The following SLC24A2 variants were observed in gnomAD, a reference collection of about 807,000 sequenced individuals.
The protein encoded by SLC24A2 is solute carrier family 24 member 2, also known as sodium/potassium/calcium exchanger 2.
Under a neutral mutation model 62.0 loss-of-function variants are expected in SLC24A2, and 36 were observed. That is an observed-to-expected ratio of 0.58 (90% confidence interval 0.44 to 0.77). The LOEUF is 0.77. SLC24A2 is among the 30% of genes least tolerant of loss of function. The pLI is 0.00. For missense variants in SLC24A2, 846 were observed against 817.9 expected (o/e 1.03, Z -0.42); for synonymous variants, 358 against 294.0 (o/e 1.22, Z -2.23).
chr9:20,229,188 C>T, the SLC24A2 span, among the ~76,000 whole-genome samples: 2 of 152,158 alleles, frequency 1.3e-5, no homozygotes, highest in African/African-American at 4.8e-5. Flanking sequence ...CTCATTTCCT[C>T]CTGAGAAGCA....
chr9:20,019,161 G>GAGAGAC, the SLC24A2 span, among the ~76,000 whole-genome samples: 1 of 138,016 alleles, frequency 7.2e-6, no homozygotes, highest in Non-Finnish European at 1.6e-5. Context: ...AAGAAAGAGA[G>GAGAGAC]AGAGACAGAA....
chr9:20,304,167 A>G, the SLC24A2 span, among the ~76,000 whole-genome samples: 7 of 152,308 alleles, frequency 4.6e-5, no homozygotes, highest in African/African-American at 1.7e-4. Flanking sequence ...TGCCTCACAC[A>G]GGATTGCCTC....
At chr9:19,611,665 C>G (rs1478575344) in intron 4 of SLC24A2, among the ~76,000 whole-genome samples, 13 of 152,034 alleles carry the variant, frequency 8.6e-5, no homozygotes, top group South Asian at 6.2e-4. Context: ...GGGAAAGATT[C>G]AGGGCCACTG....
the SLC24A2 span, among the ~76,000 whole-genome samples, chr9:19,961,997 T>C: frequency 5.9e-5 from 9 of 152,230 alleles, no homozygotes; most frequent in African/African-American, 2.2e-4. Flanking sequence ...TATGTTGTTT[T>C]AAGCTGCTAT....
the SLC24A2 span, among the ~76,000 whole-genome samples, chr9:20,173,832 G>C: frequency 6.6e-6 from 1 of 151,776 alleles, no homozygotes; most frequent in Non-Finnish European, 1.5e-5. Context: ...ATTCTTCACA[G>C]AACTAGAGAA....
the SLC24A2 span, among the ~76,000 whole-genome samples, chr9:20,080,491 G>C: frequency 6.6e-6 from 1 of 152,076 alleles, no homozygotes; most frequent in African/African-American, 2.4e-5. Flanking sequence ...ATGGATTAAA[G>C]ACTTACATGT....
the SLC24A2 span, among the ~76,000 whole-genome samples, chr9:20,142,705 C>T: frequency 6.6e-6 from 1 of 152,204 alleles, no homozygotes; most frequent in Non-Finnish European, 1.5e-5. Flanking sequence ...AAGAGATTCT[C>T]CTGCCTCAGC....
the SLC24A2 span, among the ~76,000 whole-genome samples, chr9:20,108,697 G>T: frequency 6.8e-6 from 1 of 147,122 alleles, no homozygotes; most frequent in Admixed American, 6.8e-5. Flanking sequence ...GGGGACTGTT[G>T]TCGGGTTGGG....
chr9:19,739,922 A>C (rs1821622520), intron 2 of SLC24A2, among the ~76,000 whole-genome samples: 1 of 152,204 alleles, frequency 6.6e-6, no homozygotes, highest in Non-Finnish European at 1.5e-5. Context: ...GTCCAATATA[A>C]TATCTATATC....
the SLC24A2 span, among the ~76,000 whole-genome samples, chr9:20,212,640 A>T: frequency 6.6e-6 from 1 of 151,318 alleles, no homozygotes; most frequent in African/African-American, 2.5e-5. Context: ...AACGCCAGGG[A>T]TAAATAAGGA....
intron 8 of SLC24A2, among the ~76,000 whole-genome samples, chr9:19,535,558 G>C (rs1360063767): frequency 6.6e-6 from 1 of 152,150 alleles, no homozygotes; most frequent in Non-Finnish European, 1.5e-5. Flanking sequence ...TCCAGTTTAA[G>C]TTTTCTGCAT....
At chr9:20,078,187 G>C in the SLC24A2 span, among the ~76,000 whole-genome samples, 3 of 152,164 alleles carry the variant, frequency 2.0e-5, no homozygotes, top group Non-Finnish European at 2.9e-5. Context: ...AGAGGCTTCA[G>C]TGCCAGACTG....
intron 9 of SLC24A2, among the ~76,000 whole-genome samples, chr9:19,521,397 T>G (rs755840176): frequency 1.8e-4 from 27 of 152,176 alleles, no homozygotes; most frequent in Admixed American, 4.6e-4. Context: ...GGCCATGGAA[T>G]CCAGGGGGCA....
the SLC24A2 span, among the ~76,000 whole-genome samples, chr9:19,862,685 C>T: frequency 4.0e-5 from 6 of 151,796 alleles, no homozygotes; most frequent in East Asian, 3.9e-4. Context: ...AAAATTAAAA[C>T]GTGGAAGGGA....
the SLC24A2 span, among the ~76,000 whole-genome samples, chr9:19,971,825 G>A: frequency 6.6e-6 from 1 of 152,064 alleles, no homozygotes; most frequent in African/African-American, 2.4e-5. Flanking sequence ...TATGTCCCAG[G>A]TAATATACTC....
chr9:19,573,268 A>G, intron 7 of SLC24A2, 83 bp downstream of exon 7: 1 of 940,626 alleles, frequency 1.1e-6, no homozygotes, highest in Non-Finnish European at 1.7e-6. Context: ...TGGGGCTTCC[A>G]AGGAGAATAT....
chr9:20,098,021 C>T, the SLC24A2 span, among the ~76,000 whole-genome samples: 5 of 147,488 alleles, frequency 3.4e-5, no homozygotes, highest in African/African-American at 1.3e-4. Flanking sequence ...GGATTACAGG[C>T]GGAGCCACCG....
At chr9:20,135,192 C>A in the SLC24A2 span, among the ~76,000 whole-genome samples, 1 of 152,206 alleles carries the variant, frequency 6.6e-6, no homozygotes, top group Admixed American at 6.5e-5. Flanking sequence ...GATTTAGCAA[C>A]AATTATTTTA....
Position 19,716,531 on chromosome 9 carries a change from G to C in SLC24A2, c.930+69406C>G, listed in dbSNP as rs149105748. Among the ~76,000 whole-genome samples the C allele has an allele frequency of 1.4e-4, 21 of 152,282 alleles. 2 individuals are homozygous for C. The highest frequency in any genetic ancestry group is 4.6e-4 in the African/African-American group (19 of 41,556). On this transcript the variant is annotated intron_variant, in intron 2 of 10. Coordinates refer to ENST00000341998, the MANE Select transcript of SLC24A2 (RefSeq NM_020344.4). Reference sequence around the variant, plus strand: ...TCTCCTGTGATCCCAGGGGAGATCTGATTTATCCTCACATCAAATATGACT... The same window carrying C: ...TCTCCTGTGATCCCAGGGGAGATCTCATTTATCCTCACATCAAATATGACT...
Sources: allele counts gnomAD v4.1 joint callset (sites outside exome capture counted in the v4.1 genomes callset), GRCh38; gene constraint gnomAD v4.1.1; transcripts MANE v1.5; gene names NCBI Gene and HGNC (gene_info 2026-07-23, HGNC 2026-07-21).